Variants in ACBD6 observed in about 807,000 individuals in gnomAD.
ACBD6 encodes the protein acyl-CoA-binding domain-containing protein 6.
Under a neutral mutation model 37.2 loss-of-function variants are expected in ACBD6, and 28 were observed. That is an observed-to-expected ratio of 0.75 (90% CI 0.56 to 1.03). The LOEUF (loss-of-function observed/expected upper bound fraction) is 1.03, where lower values mean the gene tolerates loss of function less well. ACBD6 is among the 50% of genes least tolerant of loss of function. The pLI, the probability that ACBD6 is intolerant of heterozygous loss-of-function variation, is 0.00. For synonymous variants in ACBD6, 113 were observed against 126.8 expected (o/e 0.89, Z 0.73); for missense variants, 340 against 337.4 (o/e 1.01, Z -0.06).
At chr1:180,496,640 C>T (rs189177117) in intron 1 of ACBD6, among the ~76,000 whole-genome samples, 1 of 152,330 alleles carries the variant, frequency 6.6e-6, no homozygotes, top group East Asian at 1.9e-4. Context: ...AGAACCCTTT[C>T]AGTCTACAAT....
At chr1:180,461,559 T>C (rs1462439927) in intron 3 of ACBD6, among the ~76,000 whole-genome samples, 1 of 152,168 alleles carries the variant, frequency 6.6e-6, no homozygotes, top group Non-Finnish European at 1.5e-5. Flanking sequence ...ACACTAGCAG[T>C]AGACCTCTCA....
chr1:180,353,397 T>C (rs1012356422), intron 6 of ACBD6, among the ~76,000 whole-genome samples: 4 of 152,170 alleles, frequency 2.6e-5, no homozygotes, highest in African/African-American at 9.6e-5. Context: ...GTCACCTTAC[T>C]GGTTAACAGA....
intron 6 of ACBD6, among the ~76,000 whole-genome samples, chr1:180,337,469 A>T (rs1442557301): frequency 1.3e-5 from 2 of 152,046 alleles, no homozygotes; most frequent in East Asian, 3.9e-4. Flanking sequence ...CATGCTAAAA[A>T]CTCTCAATAA....
intron 6 of ACBD6, among the ~76,000 whole-genome samples, chr1:180,322,415 G>A (rs975241545): frequency 2.6e-5 from 4 of 152,040 alleles, no homozygotes; most frequent in Non-Finnish European, 5.9e-5. Context: ...TTTTGGAATA[G>A]TTTGAGAAGG....
chr1:180,477,185 T>C (rs1019581896), intron 3 of ACBD6, among the ~76,000 whole-genome samples: 9 of 152,130 alleles, frequency 5.9e-5, no homozygotes. Context: ...GGCATGCAAT[T>C]TAAAACTTAT....
At chr1:180,433,421 C>A (rs1048428723) in intron 3 of ACBD6, among the ~76,000 whole-genome samples, 5 of 152,002 alleles carry the variant, frequency 3.3e-5, no homozygotes, top group Non-Finnish European at 7.4e-5. Flanking sequence ...ATGAAAAGGC[C>A]ACAGCTAACA....
chr1:180,429,499 CATCT>C (rs760469800), intron 4 of ACBD6, among the ~76,000 whole-genome samples: 24 of 152,234 alleles, frequency 1.6e-4, no homozygotes, highest in African/African-American at 4.3e-4. Context: ...TTTATCCATC[CATCT>C]GTCAACAGAT....
intron 9 of ACBD6, among the ~76,000 whole-genome samples, chr1:180,279,627 A>ACTC (rs1280144433): frequency 1.3e-5 from 2 of 151,958 alleles, no homozygotes; most frequent in African/African-American, 4.8e-5. Flanking sequence ...AGTCCTTCAC[A>ACTC]CTCATACATT....
intron 4 of ACBD6, among the ~76,000 whole-genome samples, chr1:180,415,001 C>T (rs893268468): frequency 6.6e-6 from 1 of 151,814 alleles, no homozygotes; most frequent in South Asian, 2.1e-4. Context: ...GGCGTGAACC[C>T]GGGAGGCAGA....
intron 3 of ACBD6, among the ~76,000 whole-genome samples, chr1:180,465,202 G>T (rs60300532): frequency 0.042 from 6,443 of 152,156 alleles, 433 homozygotes; most frequent in African/African-American, 0.14. Flanking sequence ...AAGAGCTTCT[G>T]CACAGAAAAA....
Position 180,373,004 on chromosome 1 carries a change from T to G in ACBD6, c.663+24512A>C, listed in dbSNP as rs1275342992. Among the ~76,000 whole-genome samples, 3 of 152,198 alleles carry G rather than the reference T, an allele frequency of 2.0e-5. No individual in the cohort carries two copies. The East Asian group carries it at 5.8e-4, about 29-fold the overall frequency. ...AGTTATGAATTTCAATCCGATAGAC[T>G]GCTCCACTTACCCTACTGCTCTCCC... On this transcript the variant is annotated intron_variant, in intron 6 of 7. Coordinates refer to ENST00000367595, the MANE Select transcript of ACBD6 (RefSeq NM_032360.4).
At chr1:180,458,934 T>G (rs993433784) in intron 3 of ACBD6, among the ~76,000 whole-genome samples, 1 of 152,218 alleles carries the variant, frequency 6.6e-6, no homozygotes, top group African/African-American at 2.4e-5. Context: ...TATCTCCATA[T>G]GCAGTACAAT....
chr1:180,338,054 A>G (rs1369906184), intron 6 of ACBD6, among the ~76,000 whole-genome samples: 1 of 151,764 alleles, frequency 6.6e-6, no homozygotes, highest in Admixed American at 6.6e-5. Context: ...GAACATCCAA[A>G]CAAATGCTCA....
At chr1:180,473,969 C>G (rs536835160) in intron 3 of ACBD6, among the ~76,000 whole-genome samples, 1 of 152,214 alleles carries the variant, frequency 6.6e-6, no homozygotes, top group East Asian at 1.9e-4. Flanking sequence ...TATGTACATA[C>G]ATACACACAC....
chr1:180,431,227 G>C (rs1396968500), intron 3 of ACBD6, among the ~76,000 whole-genome samples: 1 of 151,760 alleles, frequency 6.6e-6, no homozygotes, highest in Non-Finnish European at 1.5e-5. Context: ...CTTCCCCGGA[G>C]ATAGCATATT....
chr1:180,366,805 T>C (rs1417124161), intron 6 of ACBD6, among the ~76,000 whole-genome samples: 6 of 152,186 alleles, frequency 3.9e-5, no homozygotes, highest in Non-Finnish European at 7.3e-5. Flanking sequence ...ATATAGAAGA[T>C]ATGAGGAACT....
At chr1:180,394,995 T>C (rs1249855113) in intron 6 of ACBD6, among the ~76,000 whole-genome samples, 1 of 152,178 alleles carries the variant, frequency 6.6e-6, no homozygotes, top group East Asian at 1.9e-4. Context: ...GGAAAAGCTA[T>C]ATTAAAAATA....
At chr1:180,465,037 T>C (rs1276536317) in intron 3 of ACBD6, among the ~76,000 whole-genome samples, 1 of 152,164 alleles carries the variant, frequency 6.6e-6, no homozygotes, top group Admixed American at 6.5e-5. Context: ...CAATTCAAGA[T>C]GGATTAAAAA....
intron 9 of ACBD6, chr1:180,277,000 G>T (rs1222959865): frequency 1.3e-5 from 2 of 152,322 alleles, no homozygotes; most frequent in Non-Finnish European, 2.9e-5. Flanking sequence ...TCAGTGAGCA[G>T]TTGACGAGGT....
Sources: gnomAD v4.1 joint callset for allele counts (sites outside exome capture counted in the v4.1 genomes callset) on GRCh38, gnomAD v4.1.1 for gene constraint, MANE v1.5 for transcripts, NCBI Gene and HGNC (gene_info 2026-07-23, HGNC 2026-07-21) for gene names.